Variants in CDC26 observed in about 807,000 individuals in gnomAD.
CDC26 encodes anaphase-promoting complex subunit CDC26.
Under a neutral mutation model 8.0 loss-of-function variants are expected in CDC26, and 2 were observed. The ratio of observed to expected loss-of-function variants is 0.25; its 90% CI spans 0.10 to 0.79. CDC26 has a LOEUF of 0.79. CDC26 is among the 30% of genes least tolerant of loss of function. The pLI, the probability that CDC26 is intolerant of heterozygous loss-of-function variation, is 0.70. For synonymous variants in CDC26, 19 were observed against 34.9 expected, an observed-to-expected ratio of 0.55 and a Z score of 1.60; for missense variants, 68 against 106.0, an observed-to-expected ratio of 0.64 and a Z score of 1.57.
chr9:113,275,416 C>T lies in CDC26; in HGVS notation c.-186G>A, dbSNP rs964743979. Reference sequence around the variant, plus strand: ...AGCCGGCCTAGCCCCTTCCCGGAACCTCGGCTCCCCCCCAACGAAACTACT... The same window carrying T: ...AGCCGGCCTAGCCCCTTCCCGGAACTTCGGCTCCCCCCCAACGAAACTACT... On this transcript the variant is annotated 5_prime_UTR_variant, in exon 1 of 4. Transcript: ENST00000374206. 30 of 311,926 alleles carry T rather than the reference C, an allele frequency of 9.6e-5. 1 individual carries two copies. The Admixed American group carries it at 1.1e-3, about 11-fold the overall frequency. The allele number at this position is 311,926 out of a possible 1,614,324, so 19.3% of individuals were successfully genotyped here. A position where few individuals can be genotyped will look rare whatever the true frequency, so the allele number is the denominator to read the frequency against.
intron 3 of CDC26, among the ~76,000 whole-genome samples, chr9:113,267,644 G>A (rs1296593285): frequency 2.6e-5 from 4 of 152,128 alleles, no homozygotes; most frequent in African/African-American, 9.7e-5. Context: ...CTTGAGGTCA[G>A]GAGTTCGAGA....
chr9:113,272,266 A>T (rs906906687), intron 3 of CDC26, among the ~76,000 whole-genome samples, 161 bp downstream of exon 3: 51 of 152,102 alleles, frequency 3.4e-4, no homozygotes, highest in African/African-American at 1.2e-3. Flanking sequence ...TAAAAATAAA[A>T]AAATGAGCTG....
rs574521997 is a variant in CDC26 at position 113,268,501 on chromosome 9, C to T, written c.82-1062G>A. ...TGTAAGGATAACAGATGATAACTTT[C>T]TCTAAGAGAGTGAAATGATGTTTTA... On this transcript the variant is annotated intron_variant, in intron 3 of 3. Transcript: ENST00000374206. Among the ~76,000 whole-genome samples, 5 of 152,218 alleles carry T rather than the reference C, an allele frequency of 3.3e-5. No individual in the cohort carries two copies. The South Asian group carries it at 1.0e-3, about 32-fold the overall frequency.
intron 3 of CDC26, among the ~76,000 whole-genome samples, chr9:113,271,419 ACAC>A (rs1831954510): frequency 6.6e-6 from 1 of 152,186 alleles, no homozygotes; most frequent in Non-Finnish European, 1.5e-5. Context: ...TGGGCCCTAA[ACAC>A]AATCACACAT....
intron 3 of CDC26, among the ~76,000 whole-genome samples, chr9:113,269,907 G>A (rs1831927353): frequency 6.6e-6 from 1 of 152,188 alleles, no homozygotes; most frequent in Admixed American, 6.5e-5. Flanking sequence ...TATAGTACAA[G>A]ATACCTACTA....
intron 3 of CDC26, among the ~76,000 whole-genome samples, chr9:113,267,651 G>A (rs539217148): frequency 1.3e-5 from 2 of 152,116 alleles, no homozygotes; most frequent in East Asian, 3.9e-4. Context: ...TCAGGAGTTC[G>A]AGACTAGCCT....
intron 3 of CDC26, among the ~76,000 whole-genome samples, chr9:113,271,242 C>T (rs1753379358): frequency 6.6e-6 from 1 of 152,154 alleles, no homozygotes; most frequent in South Asian, 2.1e-4. Flanking sequence ...AAGAGTTTTT[C>T]TCTCTTCTTT....
chr9:113,269,230 A>C (rs1253097437), intron 3 of CDC26, among the ~76,000 whole-genome samples: 8 of 148,754 alleles, frequency 5.4e-5, no homozygotes, highest in Non-Finnish European at 1.0e-4. Flanking sequence ...TCAACAATAA[A>C]AATAAAAAAA....
At chr9:113,269,477 T>G (rs1020404725) in intron 3 of CDC26, among the ~76,000 whole-genome samples, 1 of 152,156 alleles carries the variant, frequency 6.6e-6, no homozygotes, top group Non-Finnish European at 1.5e-5. Flanking sequence ...GAAGCTAGAG[T>G]CACAGTAGTA....
At chr9:113,273,849 C>G (rs1207180637) in intron 1 of CDC26, among the ~76,000 whole-genome samples, 1 of 137,430 alleles carries the variant, frequency 7.3e-6, no homozygotes. Flanking sequence ...AAAAAAAAGG[C>G]TCAAGAGAGC....
At chr9:113,272,635 T>C (rs973017880) in intron 2 of CDC26, 87 bp from the exon 3 acceptor site, 6 of 628,552 alleles carry the variant, frequency 9.5e-6, no homozygotes, top group Non-Finnish European at 1.7e-5. Flanking sequence ...GCATGTATAC[T>C]AAAGTGAATG....
intron 1 of CDC26, among the ~76,000 whole-genome samples, chr9:113,275,138 A>C (rs988067284): frequency 6.6e-6 from 1 of 152,040 alleles, no homozygotes; most frequent in African/African-American, 2.4e-5. Flanking sequence ...GCCCAAATCC[A>C]CCGCCGAGCC....
At chr9:113,269,004 C>T (rs1281115895) in intron 3 of CDC26, among the ~76,000 whole-genome samples, 4 of 152,048 alleles carry the variant, frequency 2.6e-5, no homozygotes, top group African/African-American at 4.8e-5. Flanking sequence ...CCGCCTGCCT[C>T]GGCCTCTCAA....
chr9:113,271,860 CAG>C (rs1036141203), intron 3 of CDC26, among the ~76,000 whole-genome samples: 2 of 152,128 alleles, frequency 1.3e-5, no homozygotes, highest in African/African-American at 4.8e-5. Flanking sequence ...TTATGTATGA[CAG>C]AGAGTCTCAC....
At chr9:113,267,510 C>T in intron 3 of CDC26, 71 bp from the exon 4 acceptor site, 1 of 1,525,048 alleles carries the variant, frequency 6.6e-7, no homozygotes, top group South Asian at 1.3e-5. Context: ...AGAACACCTA[C>T]CATGTACTAG....
At position 113,272,431 on chromosome 9, in the gene CDC26, A is replaced by G. The variant is rs761300226; in HGVS notation, c.77T>C (p.Leu26Pro). Residue 26 changes from leucine to proline, a missense_variant, in exon 3 of 4, where the codon CTG (leucine) becomes CCG (proline). By Grantham distance (98) the Leu-to-Pro change is moderately conservative. Coordinates refer to ENST00000374206, the MANE Select transcript of CDC26 (RefSeq NM_139286.4). Reference sequence around the variant, plus strand: ...AACACAAAGTTGTATTCATACCTCCAGGTCCTTTCGAATGTTCTCAAACTC... The same window carrying G: ...AACACAAAGTTGTATTCATACCTCCGGGTCCTTTCGAATGTTCTCAAACTC... ...IEEFENIRKD[L>P]ETRKKQKEDV... The G allele has an allele frequency of 6.2e-7, 1 of 1,609,368 alleles. No homozygotes were observed. Among genetic ancestry groups the G allele is most frequent in the Non-Finnish European group, 8.5e-7 (1 of 1,177,104 alleles).
chr9:113,270,846 A>G (rs1000746389), intron 3 of CDC26, among the ~76,000 whole-genome samples: 4 of 152,248 alleles, frequency 2.6e-5, no homozygotes, highest in African/African-American at 4.8e-5. Flanking sequence ...AGATTTTGTT[A>G]TAAGTGCAGA....
In CDC26 at chr9:113,273,346, C is replaced by G. The variant is rs1831989278; in HGVS notation, c.-59G>C. 1 of 152,184 alleles carries G rather than the reference C, an allele frequency of 6.6e-6. No individual in the cohort carries two copies. The highest frequency in any genetic ancestry group is 2.4e-5 in the African/African-American group (1 of 41,442). 9.4% of individuals were successfully genotyped at this position (152,184 alleles called of 1,614,324 possible). On this transcript the variant is annotated 5_prime_UTR_variant, in exon 2 of 4. Transcript: ENST00000374206. ...CAACTCACCAATTCACAGGATTATC[C>G]TCCGCGTCCAAACAGATCTTAAATG...
chr9:113,267,602 G>A (rs1380653773), intron 3 of CDC26, among the ~76,000 whole-genome samples, 163 bp from the exon 4 acceptor site: 1 of 152,124 alleles, frequency 6.6e-6, no homozygotes, highest in Admixed American at 6.6e-5. Context: ...GCACAATGAG[G>A]ATATGGTGTT....
Sources: gnomAD v4.1 joint callset for allele counts (sites outside exome capture counted in the v4.1 genomes callset) on GRCh38, gnomAD v4.1.1 for gene constraint, MANE v1.5 for transcripts, NCBI Gene and HGNC (gene_info 2026-07-23, HGNC 2026-07-21) for gene names.